Variants in CSMD1 observed in about 807,000 individuals in gnomAD.
CSMD1 encodes the protein CUB and sushi domain-containing protein 1.
In CSMD1, 213 loss-of-function variants were observed where a neutral mutation model predicts 417.5. The ratio of observed to expected loss-of-function variants is 0.51; its 90% CI spans 0.46 to 0.57. CSMD1 has a LOEUF of 0.57. CSMD1 is among the 20% of genes least tolerant of loss of function. The pLI is 0.00. For synonymous variants in CSMD1, 2,862 were observed against 1,736.8 expected, an observed-to-expected ratio of 1.65 and a Z score of -16.11; for missense variants, 6,923 against 4,529.7, an observed-to-expected ratio of 1.53 and a Z score of -15.17.
intron 25 of CSMD1, among the ~76,000 whole-genome samples, chr8:3,294,295 G>C (rs920303276): frequency 6.6e-6 from 1 of 152,152 alleles, no homozygotes; most frequent in Non-Finnish European, 1.5e-5. Context: ...GAGGCAGTCT[G>C]TCTGTTCTGA....
chr8:4,239,766 T>A (rs527951579), intron 3 of CSMD1, among the ~76,000 whole-genome samples: 6 of 152,294 alleles, frequency 3.9e-5, no homozygotes, highest in Admixed American at 2.0e-4. Context: ...ATGACAATGG[T>A]CTATCTTTCA....
intron 2 of CSMD1, among the ~76,000 whole-genome samples, chr8:4,497,201 G>A (rs138225897): frequency 1.3e-5 from 2 of 151,954 alleles, no homozygotes; most frequent in East Asian, 1.9e-4. Flanking sequence ...ACCTTTCCTT[G>A]GCCTCCAGAC....
chr8:3,950,090 C>T (rs980374574), intron 5 of CSMD1: 51 of 437,904 alleles, frequency 1.2e-4, no homozygotes, highest in African/African-American at 1.9e-4. Flanking sequence ...GAAAATCTTC[C>T]TTAAAGGCAA....
Position 3,677,246 on chromosome 8 carries a change from T to A in CSMD1, c.1009+31168A>T, listed in dbSNP as rs545894590. On this transcript the variant is annotated intron_variant, in intron 7 of 69. Transcript: ENST00000635120. The stretch of plus-strand genomic sequence containing the variant: ...ACACCGCTTAAAAGTCCAAGATTAA[T>A]AGCATGCATCGAAAATTTCTCTCCC... Among the ~76,000 whole-genome samples, 12 of 152,290 alleles carry A rather than the reference T, an allele frequency of 7.9e-5. No individual in the cohort carries two copies. The East Asian group carries it at 2.3e-3, about 29-fold the overall frequency.
At chr8:3,476,154 G>T (rs1348540129) in intron 11 of CSMD1, among the ~76,000 whole-genome samples, 1 of 152,156 alleles carries the variant, frequency 6.6e-6, no homozygotes, top group African/African-American at 2.4e-5. Context: ...ACTAGCCTGC[G>T]CAACATAGCG....
At chr8:4,578,813 CAAA>C (rs754048973) in intron 2 of CSMD1, among the ~76,000 whole-genome samples, 1 of 81,462 alleles carries the variant, frequency 1.2e-5, no homozygotes. Flanking sequence ...GACTCCACCT[CAAA>C]AAAAAAAAAA....
chr8:3,484,191 A>G (rs1817896888), intron 11 of CSMD1, among the ~76,000 whole-genome samples: 1 of 152,234 alleles, frequency 6.6e-6, no homozygotes, highest in South Asian at 2.1e-4. Flanking sequence ...CATTTACTAA[A>G]CAGTTATAGT....
At chr8:3,304,365 T>TGAGTA (rs973948150) in intron 25 of CSMD1, among the ~76,000 whole-genome samples, 18 of 152,162 alleles carry the variant, frequency 1.2e-4, no homozygotes, top group Admixed American at 8.5e-4. Context: ...CCATTTTTTC[T>TGAGTA]GAGTATTAGT....
intron 4 of CSMD1, among the ~76,000 whole-genome samples, chr8:4,026,008 C>G (rs928631511): frequency 6.3e-5 from 7 of 111,686 alleles, no homozygotes; most frequent in African/African-American, 1.2e-4. Flanking sequence ...GTTAGGAACT[C>G]TATAAAAAAA....
chr8:4,667,848 C>CT (rs147449288), intron 1 of CSMD1, among the ~76,000 whole-genome samples: 1,580 of 152,212 alleles, frequency 0.01, 29 homozygotes, highest in East Asian at 0.068. Context: ...CCTTTTATAG[C>CT]TTTTTCTAGC....
intron 18 of CSMD1, among the ~76,000 whole-genome samples, chr8:3,378,080 G>GGTATTGAATATTGGAT (rs1315751951): frequency 2.0e-5 from 3 of 152,138 alleles, no homozygotes; most frequent in African/African-American, 7.2e-5. Flanking sequence ...GATGAAGAAG[G>GGTATTGAATATTGGAT]GTATTGAATA....
At chr8:3,913,387 C>T (rs1377343382) in intron 5 of CSMD1, among the ~76,000 whole-genome samples, 1 of 152,084 alleles carries the variant, frequency 6.6e-6, no homozygotes, top group Admixed American at 6.5e-5. Context: ...GGAAATGCAA[C>T]TTCCAGACCA....
At chr8:4,577,924 G>T (rs1245864744) in intron 2 of CSMD1, among the ~76,000 whole-genome samples, 2 of 152,174 alleles carry the variant, frequency 1.3e-5, no homozygotes, top group Admixed American at 1.3e-4. Flanking sequence ...AAGCCTTAGT[G>T]CAATTATGAT....
At chr8:3,879,864 G>C (rs1273657650) in intron 5 of CSMD1, among the ~76,000 whole-genome samples, 2 of 151,902 alleles carry the variant, frequency 1.3e-5, no homozygotes, top group African/African-American at 4.8e-5. Context: ...TTGCGTTTTA[G>C]TCTTCTTCTG....
intron 3 of CSMD1, among the ~76,000 whole-genome samples, chr8:4,044,888 C>T (rs780606705): frequency 7.9e-5 from 12 of 152,158 alleles, no homozygotes; most frequent in Non-Finnish European, 1.0e-4. Flanking sequence ...AGCCCTCAGG[C>T]CCAGACTGAC....
chr8:4,721,253 C>T (rs539305355), intron 1 of CSMD1, among the ~76,000 whole-genome samples: 10 of 152,302 alleles, frequency 6.6e-5, no homozygotes, highest in African/African-American at 2.4e-4. Context: ...CATATTTCCT[C>T]ATGCCTAGTA....
At chr8:4,702,006 G>A (rs142396627) in intron 1 of CSMD1, among the ~76,000 whole-genome samples, 2 of 152,162 alleles carry the variant, frequency 1.3e-5, no homozygotes, top group Non-Finnish European at 2.9e-5. Flanking sequence ...ACTAACTCAG[G>A]AACAGAAAAC....
chr8:3,875,502 G>A (rs913667968), intron 5 of CSMD1, among the ~76,000 whole-genome samples: 1 of 152,104 alleles, frequency 6.6e-6, no homozygotes, highest in African/African-American at 2.4e-5. Context: ...GGCATGGAGA[G>A]GTGGAGAAAA....
At chr8:4,246,568 T>TG (rs1802722853) in intron 3 of CSMD1, among the ~76,000 whole-genome samples, 1 of 152,170 alleles carries the variant, frequency 6.6e-6, no homozygotes, top group Non-Finnish European at 1.5e-5. Flanking sequence ...TTCTTTAAAA[T>TG]AATTATTTGC....
Sources: gnomAD v4.1 joint callset for allele counts (sites outside exome capture counted in the v4.1 genomes callset) on GRCh38, gnomAD v4.1.1 for gene constraint, MANE v1.5 for transcripts, NCBI Gene and HGNC (gene_info 2026-07-23, HGNC 2026-07-21) for gene names.